Variants in CADPS observed in about 807,000 individuals in gnomAD.
CADPS encodes calcium dependent secretion activator.
In CADPS, 57 loss-of-function variants were observed where a neutral mutation model predicts 167.3. The observed-to-expected ratio is 0.34, with a 90% confidence interval of 0.28 to 0.42. CADPS has a LOEUF of 0.42. Among genes scored for constraint, CADPS ranks in the 20% least tolerant of loss-of-function variants. CADPS has a pLI of 1.00. For synonymous variants in CADPS, 676 were observed against 635.3 expected (o/e 1.06, Z -0.96); for missense variants, 1,414 against 1,738.1 (o/e 0.81, Z 3.32).
intron 26 of CADPS, among the ~76,000 whole-genome samples, chr3:62,459,763 T>C (rs1560659471): frequency 2.0e-5 from 3 of 152,178 alleles, no homozygotes; most frequent in Admixed American, 1.3e-4. Context: ...ATCTTATCCA[T>C]TGCTAACCCC....
At position 62,602,118 on chromosome 3, in the gene CADPS, A is replaced by G. The variant is rs567763901; in HGVS notation, c.1326-9370T>C. ...ACAACATTTGCCACATAGGGAATAT[A>G]CCTCCCAAAATGACAGTAAACATCC... On this transcript the variant is annotated intron_variant, in intron 6 of 29. Coordinates refer to ENST00000383710, the MANE Select transcript of CADPS (RefSeq NM_003716.4). The surrounding 1 kb of genome is among the most constrained non-coding windows in gnomAD (Gnocchi z 4.4). Among the ~76,000 whole-genome samples the G allele has an allele frequency of 3.9e-5, 6 of 152,300 alleles. No homozygotes were observed. The South Asian group carries it at 8.3e-4, about 21-fold the overall frequency.
chr3:62,637,695 G>T (rs901052573), intron 6 of CADPS, among the ~76,000 whole-genome samples: 2 of 152,160 alleles, frequency 1.3e-5, no homozygotes, highest in Non-Finnish European at 2.9e-5. Context: ...CTGTTTTAGA[G>T]ATCTAATTTC....
At chr3:62,749,087 CATA>C (rs1194607110) in intron 3 of CADPS, among the ~76,000 whole-genome samples, 1 of 152,288 alleles carries the variant, frequency 6.6e-6, no homozygotes, top group African/African-American at 2.4e-5. Context: ...AACACTGATT[CATA>C]ATAAAATTTG....
intron 11 of CADPS, among the ~76,000 whole-genome samples, chr3:62,539,501 A>G (rs759293748): frequency 1.4e-4 from 21 of 151,468 alleles, no homozygotes; most frequent in African/African-American, 4.4e-4. Context: ...TGAGCTTATT[A>G]TATTTACTGA....
At chr3:62,568,070 G>C (rs1211049587) in intron 9 of CADPS, among the ~76,000 whole-genome samples, 1 of 152,186 alleles carries the variant, frequency 6.6e-6, no homozygotes, top group Non-Finnish European at 1.5e-5. Flanking sequence ...GAGTGAACCA[G>C]GTTAGACTAA....
intron 3 of CADPS, among the ~76,000 whole-genome samples, chr3:62,669,673 C>T (rs1337935142): frequency 6.6e-6 from 1 of 152,156 alleles, no homozygotes; most frequent in Non-Finnish European, 1.5e-5. Context: ...GATTGGACCT[C>T]TCTGAGCCCT....
intron 3 of CADPS, among the ~76,000 whole-genome samples, chr3:62,731,565 C>A (rs1018516799): frequency 3.3e-5 from 5 of 151,954 alleles, no homozygotes; most frequent in Admixed American, 3.3e-4. Flanking sequence ...AAGAAAGAGT[C>A]CCCTATACTG....
intron 1 of CADPS, among the ~76,000 whole-genome samples, chr3:62,861,056 C>T (rs992612053): frequency 6.6e-6 from 1 of 152,166 alleles, no homozygotes; most frequent in Non-Finnish European, 1.5e-5. Context: ...CCTCCTCTCT[C>T]CTTCTATGGG....
chr3:62,819,325 C>T (rs577979537), intron 1 of CADPS, among the ~76,000 whole-genome samples: 80 of 151,880 alleles, frequency 5.3e-4, no homozygotes, highest in African/African-American at 1.8e-3. Flanking sequence ...TTGCTACAAT[C>T]CCAAGGTTTT....
intron 1 of CADPS, among the ~76,000 whole-genome samples, chr3:62,776,799 G>C (rs1481524448): frequency 1.3e-5 from 2 of 152,190 alleles, no homozygotes; most frequent in Non-Finnish European, 2.9e-5. Flanking sequence ...TAGAATCTCA[G>C]TTTGCAGAGG....
chr3:62,614,065 A>G (rs1428869707), intron 6 of CADPS, among the ~76,000 whole-genome samples: 1 of 152,194 alleles, frequency 6.6e-6, no homozygotes, highest in Non-Finnish European at 1.5e-5. Flanking sequence ...CTCAAGGCTG[A>G]GTAAGATAAT....
intron 26 of CADPS, among the ~76,000 whole-genome samples, chr3:62,460,929 T>C (rs1204307572): frequency 6.6e-6 from 1 of 152,170 alleles, no homozygotes; most frequent in Non-Finnish European, 1.5e-5. Flanking sequence ...AATGGATTTA[T>C]TTGATCGGAG....
At chr3:62,833,207 T>C (rs565281457) in intron 1 of CADPS, among the ~76,000 whole-genome samples, 1 of 152,156 alleles carries the variant, frequency 6.6e-6, no homozygotes, top group African/African-American at 2.4e-5. Context: ...CGGGCTGGAT[T>C]ACAGTGGCAT....
chr3:62,502,076 C>T (rs543307292), intron 17 of CADPS, among the ~76,000 whole-genome samples: 1 of 152,324 alleles, frequency 6.6e-6, no homozygotes, highest in East Asian at 1.9e-4. Flanking sequence ...CTTTCATTTA[C>T]TATTAATTAG....
At chr3:62,833,947 AAC>A (rs748536953) in intron 1 of CADPS, among the ~76,000 whole-genome samples, 5 of 152,192 alleles carry the variant, frequency 3.3e-5, no homozygotes, top group South Asian at 2.1e-4. Flanking sequence ...GTGCATTTAT[AAC>A]ACACAGAAAA....
chr3:62,512,909 C>T (rs758835819), intron 16 of CADPS, 141 bp from the exon 17 acceptor site: 4 of 574,358 alleles, frequency 7.0e-6, no homozygotes, highest in Non-Finnish European at 1.2e-5. Flanking sequence ...CCCTTGGGTT[C>T]CCACCGCCCC....
At chr3:62,799,816 T>C (rs1255849178) in intron 1 of CADPS, among the ~76,000 whole-genome samples, 3 of 152,148 alleles carry the variant, frequency 2.0e-5, no homozygotes, top group Admixed American at 2.0e-4. Flanking sequence ...ACCATCACAG[T>C]TGGAAAGTGA....
chr3:62,611,252 G>A (rs2061462953), intron 6 of CADPS, among the ~76,000 whole-genome samples: 1 of 152,142 alleles, frequency 6.6e-6, no homozygotes, highest in Admixed American at 6.5e-5. Flanking sequence ...GGCCCAAAGT[G>A]TAGAGTCATC....
At chr3:62,530,360 A>G (rs1488220553) in intron 13 of CADPS, among the ~76,000 whole-genome samples, 1 of 152,164 alleles carries the variant, frequency 6.6e-6, no homozygotes, top group African/African-American at 2.4e-5. Flanking sequence ...CCCTAACTAG[A>G]TGCCACTAAA....
Sources: gnomAD v4.1 joint callset for allele counts (sites outside exome capture counted in the v4.1 genomes callset) on GRCh38, gnomAD v4.1.1 for gene constraint, Gnocchi (gnomAD v3.1) non-coding constraint, MANE v1.5 for transcripts, NCBI Gene and HGNC (gene_info 2026-07-23, HGNC 2026-07-21) for gene names.